DGCR2: variants seen among roughly 807,000 people sequenced by gnomAD.
DGCR2 encodes the protein DiGeorge syndrome critical region gene 2.
A neutral mutation model predicts 51.6 loss-of-function variants in DGCR2; 24 were observed. That is an observed-to-expected ratio of 0.47 (90% CI 0.34 to 0.65). The LOEUF (loss-of-function observed/expected upper bound fraction) is 0.65. Among genes scored for constraint, DGCR2 ranks in the 30% least tolerant of loss-of-function variants. The pLI is 0.01. For missense variants in DGCR2, 765 were observed against 772.1 expected (o/e 0.99, Z 0.11); for synonymous variants, 340 against 315.4 (o/e 1.08, Z -0.82).
At chr22:19,048,690 G>C in intron 6 of DGCR2, 47 bp from the exon 7 acceptor site, 2 of 1,594,972 alleles carry the variant, frequency 1.3e-6, no homozygotes, top group Non-Finnish European at 1.7e-6. Flanking sequence ...TGCCAAAAAA[G>C]GTAGCCTCCC....
chr22:19,118,665 G>GC (rs1295243970), intron 1 of DGCR2, among the ~76,000 whole-genome samples: 6 of 152,322 alleles, frequency 3.9e-5, no homozygotes, highest in Admixed American at 1.3e-4. Flanking sequence ...CTGAGCACAG[G>GC]CCCTGTACAG....
intron 2 of DGCR2, among the ~76,000 whole-genome samples, chr22:19,074,560 G>A (rs777298612): frequency 2.9e-4 from 44 of 152,058 alleles, no homozygotes; most frequent in Non-Finnish European, 5.1e-4. Flanking sequence ...GCTTAGGGAA[G>A]AATCAGCAGA....
In DGCR2 at chr22:19,085,041, AG is replaced by A. The variant is rs2082998818; in HGVS notation, c.202+4326del. Among the ~76,000 whole-genome samples, 3 of 152,072 alleles carry A rather than the reference AG, an allele frequency of 2.0e-5. No homozygotes were observed. The South Asian group carries it at 6.2e-4, about 31-fold the overall frequency. ...AATCGGATGGTTGCTGTGTCTGTGC[AG>A]AAAGAAGTAGACATGGGAGACTTTT... On this transcript the variant is annotated intron_variant, in intron 2 of 9. Transcript: ENST00000263196.
intron 6 of DGCR2, among the ~76,000 whole-genome samples, chr22:19,052,541 A>G (rs2082560453): frequency 6.6e-6 from 1 of 151,950 alleles, no homozygotes; most frequent in African/African-American, 2.4e-5. Context: ...AACAGCCCAG[A>G]TGTCCTTCAA....
chr22:19,039,591 G>C (rs1278457866), intron 9 of DGCR2, among the ~76,000 whole-genome samples: 1 of 152,224 alleles, frequency 6.6e-6, no homozygotes, highest in Non-Finnish European at 1.5e-5. Context: ...GGCAACCGGA[G>C]TGTGGGCAAC....
chr22:19,121,940 G>A (rs1297801635), intron 1 of DGCR2, 188 bp downstream of exon 1: 3 of 295,798 alleles, frequency 1.0e-5, no homozygotes, highest in Non-Finnish European at 1.8e-5. Context: ...AGTCCGAGGC[G>A]CCGCGAGCCC....
chr22:19,063,751 G>C (rs926472376), intron 4 of DGCR2, among the ~76,000 whole-genome samples: 3 of 152,092 alleles, frequency 2.0e-5, no homozygotes, highest in Non-Finnish European at 4.4e-5. Context: ...GGGAACTCTT[G>C]CCAAGACTGT....
chr22:19,060,907 C>T (rs565502096), intron 5 of DGCR2: 1 of 513,322 alleles, frequency 1.9e-6, no homozygotes, highest in East Asian at 5.5e-5. Context: ...GGTACCGACA[C>T]ATGGGCATAG....
At chr22:19,118,477 A>C (rs2083397193) in intron 1 of DGCR2, among the ~76,000 whole-genome samples, 1 of 151,668 alleles carries the variant, frequency 6.6e-6, no homozygotes, top group African/African-American at 2.4e-5. Context: ...ACAGCTGCCT[A>C]CTGAAAGCAA....
chr22:19,106,502 G>A (rs2083262709), intron 1 of DGCR2, among the ~76,000 whole-genome samples: 1 of 152,174 alleles, frequency 6.6e-6, no homozygotes, highest in African/African-American at 2.4e-5. Context: ...CACCAACGAT[G>A]CCAGCATCTG....
At chr22:19,075,880 C>T (rs1464125898) in intron 2 of DGCR2, among the ~76,000 whole-genome samples, 1 of 152,214 alleles carries the variant, frequency 6.6e-6, no homozygotes, top group Non-Finnish European at 1.5e-5. Flanking sequence ...AGTAATGCTG[C>T]TATGAACTTG....
At chr22:19,117,413 C>G (rs807747) in intron 1 of DGCR2, among the ~76,000 whole-genome samples, 19,886 of 152,272 alleles carry the variant, frequency 0.13, 2,143 homozygotes, top group African/African-American at 0.29. Context: ...GCTTTAACTA[C>G]AGGGCTTCCT....
In DGCR2 at chr22:19,094,282, G is replaced by T. The variant is rs117730536; in HGVS notation, c.80-4792C>A. ...ATCTCTACCAAAAACGCAAAAATTA[G>T]ATGGGTGCGGTGGCGGGCGCCTGTA... is the stretch of plus-strand genomic sequence containing the variant. On this transcript the variant is annotated intron_variant, in intron 1 of 9. Transcript: ENST00000263196. 2.5e-3 allele frequency among the ~76,000 whole-genome samples: 382 copies of T among 152,284 alleles called. 21 individuals carry two copies. In the East Asian group the frequency reaches 0.069, roughly 27 times the overall value.
At chr22:19,046,967 G>A (rs995153643) in intron 7 of DGCR2, 2 of 159,456 alleles carry the variant, frequency 1.3e-5, no homozygotes, top group Non-Finnish European at 2.8e-5. Flanking sequence ...GGAACCAGGA[G>A]TCCAGGTAGC....
chr22:19,066,656 G>C (rs1018511207), intron 3 of DGCR2, among the ~76,000 whole-genome samples: 1 of 152,228 alleles, frequency 6.6e-6, no homozygotes, highest in Admixed American at 6.5e-5. Flanking sequence ...TGTAGGGAGG[G>C]AAGCTGGCTG....
At chr22:19,087,091 T>C (rs762747276) in intron 2 of DGCR2, among the ~76,000 whole-genome samples, 12 of 152,232 alleles carry the variant, frequency 7.9e-5, no homozygotes, top group Non-Finnish European at 1.5e-4. Context: ...GGTCTCACTC[T>C]ATGAGTCAGA....
chr22:19,053,096 T>C (rs1377659420), intron 6 of DGCR2, among the ~76,000 whole-genome samples: 2 of 152,178 alleles, frequency 1.3e-5, no homozygotes, highest in Non-Finnish European at 2.9e-5. Flanking sequence ...TCACCTCCAC[T>C]GCCCTGCTTC....
chr22:19,081,789 A>G (rs1365070142), intron 2 of DGCR2, among the ~76,000 whole-genome samples: 2 of 152,230 alleles, frequency 1.3e-5, no homozygotes, highest in Non-Finnish European at 2.9e-5. Context: ...TAAAATTTCC[A>G]CACTATCCAT....
At chr22:19,054,995 A>T (rs2082586292) in intron 6 of DGCR2, among the ~76,000 whole-genome samples, 1 of 152,152 alleles carries the variant, frequency 6.6e-6, no homozygotes, top group Non-Finnish European at 1.5e-5. Context: ...ACATGTCTGT[A>T]ATCCCAGCTA....
Sources: allele counts gnomAD v4.1 joint callset (sites outside exome capture counted in the v4.1 genomes callset), GRCh38; gene constraint gnomAD v4.1.1; transcripts MANE v1.5; gene names NCBI Gene and HGNC (gene_info 2026-07-23, HGNC 2026-07-21).